Variants in ABCC8 observed in about 807,000 individuals in gnomAD.
ABCC8 encodes the protein ATP-binding cassette sub-family C member 8.
Under a neutral mutation model 188.0 loss-of-function variants are expected in ABCC8, and 137 were observed. The ratio of observed to expected loss-of-function variants is 0.73; its 90% CI spans 0.63 to 0.84. The LOEUF is 0.84. Ranked by LOEUF, ABCC8 falls within the 40% of genes least tolerant of loss-of-function variation. The pLI, the probability that ABCC8 is intolerant of heterozygous loss-of-function variation, is 0.00. For missense variants in ABCC8, 1,750 were observed against 2,072.7 expected, an observed-to-expected ratio of 0.84 and a Z score of 3.02; for synonymous variants, 797 against 846.5, an observed-to-expected ratio of 0.94 and a Z score of 1.01.
intron 3 of ABCC8, among the ~76,000 whole-genome samples, chr11:17,464,663 A>C (rs920494215): frequency 3.3e-5 from 5 of 152,232 alleles, no homozygotes; most frequent in African/African-American, 1.2e-4. Context: ...AAACCTCAGA[A>C]GCTATCAGTA....
At chr11:17,450,608 A>G (rs1956775242) in intron 7 of ABCC8, among the ~76,000 whole-genome samples, 1 of 144,292 alleles carries the variant, frequency 6.9e-6, no homozygotes, top group Non-Finnish European at 1.5e-5. Context: ...CATGTTAGCC[A>G]GGATGGTCTC....
chr11:17,417,573 C>T (rs189203948), intron 16 of ABCC8, among the ~76,000 whole-genome samples: 25 of 152,260 alleles, frequency 1.6e-4, no homozygotes, highest in African/African-American at 5.8e-4. Flanking sequence ...TGCTCTATCC[C>T]CTCCCCCAGG....
At chr11:17,394,730 C>T (rs931411192) in intron 36 of ABCC8, among the ~76,000 whole-genome samples, 9 of 152,126 alleles carry the variant, frequency 5.9e-5, no homozygotes, top group Non-Finnish European at 1.5e-5. Flanking sequence ...GGCTTGGCCA[C>T]CCCCAATGCT....
intron 7 of ABCC8, 38 bp downstream of exon 7, chr11:17,453,081 G>T: frequency 6.5e-7 from 1 of 1,537,058 alleles, no homozygotes; most frequent in Non-Finnish European, 9.0e-7. Context: ...CCTAATAATG[G>T]TTCTTATGGC....
At chr11:17,406,462 G>A (rs982103876) in intron 26 of ABCC8, 160 bp downstream of exon 26, 4 of 719,210 alleles carry the variant, frequency 5.6e-6, no homozygotes, top group Admixed American at 2.8e-5. Context: ...GTTTCTCCCT[G>A]CTTCTTGCAC....
intron 21 of ABCC8, among the ~76,000 whole-genome samples, chr11:17,412,171 C>T (rs964985558): frequency 6.6e-6 from 1 of 152,130 alleles, no homozygotes; most frequent in African/African-American, 2.4e-5. Flanking sequence ...GAATAACAGG[C>T]GTGAGCCACC....
rs144859479 is a variant in ABCC8 at position 17,450,361 on chromosome 11, C to CCTTTCCTTTCCTTT, written c.1177-1704_1177-1691dup. 4.7e-5 allele frequency among the ~76,000 whole-genome samples: 3 copies of CCTTTCCTTTCCTTT among 64,386 alleles called. 1 individual carries two copies. The highest frequency in any genetic ancestry group is 1.4e-4 in the African/African-American group (3 of 20,878). The allele number at this position is 64,386 out of a possible 152,430, so 42.2% of individuals were successfully genotyped here. A position where few individuals can be genotyped will look rare whatever the true frequency, so the allele number is the denominator to read the frequency against. On this transcript the variant is annotated intron_variant, in intron 7 of 38. Transcript: ENST00000389817. ...CTTTCCTTTCTTTCTTTCTTTCCTT[C>CCTTTCCTTTCCTTT]CTTTCCTTTCCTTTCTTTCCTTTCC...
chr11:17,417,124 A>C, intron 16 of ABCC8, 162 bp from the exon 17 acceptor site: 10 of 938,200 alleles, frequency 1.1e-5, no homozygotes, highest in East Asian at 1.2e-4. Context: ...CACTCTTCTC[A>C]ATCTCTGTCC....
In ABCC8 at chr11:17,410,426, C is replaced by T. The variant is rs1261130154; in HGVS notation, c.2694+90G>A. The T allele has an allele frequency of 7.7e-6, 11 of 1,432,022 alleles. No individual in the cohort carries two copies. In the African/African-American group the frequency reaches 1.4e-4, roughly 18 times the overall value. The allele number at this position is 1,432,022 out of a possible 1,614,324, so 88.7% of individuals were successfully genotyped here. On this transcript the variant is annotated intron_variant, in intron 22 of 38. Transcript: ENST00000389817. Reference sequence around the variant, plus strand: ...TATGCTTTGTGGCCCTCAGCAGTTGCTACCAAGACAACGGATTGGTTCCTG... The same window carrying T: ...TATGCTTTGTGGCCCTCAGCAGTTGTTACCAAGACAACGGATTGGTTCCTG...
intron 2 of ABCC8, among the ~76,000 whole-genome samples, chr11:17,471,404 T>C (rs866364572): frequency 6.6e-6 from 1 of 152,226 alleles, no homozygotes; most frequent in South Asian, 2.1e-4. Context: ...AGAGCTATCC[T>C]GTGACCTCAG....
In ABCC8 at chr11:17,404,727, T is replaced by A; in HGVS notation, c.3400-58A>T. 6.4e-7 allele frequency: 1 copy of A among 1,556,420 alleles called. No individual in the cohort carries two copies. Among genetic ancestry groups the A allele is most frequent in the Non-Finnish European group, 8.7e-7 (1 of 1,150,598 alleles). On this transcript the variant is annotated intron_variant, in intron 27 of 38. Coordinates refer to ENST00000389817, the MANE Select transcript of ABCC8 (RefSeq NM_000352.6). The surrounding 1 kb of genome is among the most constrained non-coding windows in gnomAD (Gnocchi z 4.7). ...ATTTTGGTATTGACTGTGTTTAGAG[T>A]GCTACTGGCCGCCATGTTTTGCTCT... is the stretch of plus-strand genomic sequence containing the variant.
intron 8 of ABCC8, among the ~76,000 whole-genome samples, chr11:17,445,145 C>T (rs1956474394): frequency 6.6e-6 from 1 of 152,238 alleles, no homozygotes. Flanking sequence ...GACTGGGAAA[C>T]ACAGAGGCCT....
chr11:17,412,252 T>C (rs1448978054), intron 21 of ABCC8, among the ~76,000 whole-genome samples: 1 of 152,232 alleles, frequency 6.6e-6, no homozygotes, highest in Non-Finnish European at 1.5e-5. Flanking sequence ...AGAAGGATTC[T>C]GAGGATGAGT....
Position 17,443,311 on chromosome 11 carries a change from A to G in ABCC8, c.1334T>C (p.Ile445Thr). The change falls in exon 9 of 39, where the codon ATC (isoleucine) becomes ACC (threonine). Residue 445 changes from isoleucine (I) to threonine (T), a missense_variant and splice_region_variant. Transcript: ENST00000389817. ...GTAGAGGAGAATCACACCCACAATGATCTGAGGAAGGGGTCATGGGTCAGG... is the reference window on the plus strand; with the variant it reads ...GTAGAGGAGAATCACACCCACAATGGTCTGAGGAAGGGGTCATGGGTCAGG... ...CPNLWAMPVQ[I>T]IVGVILLYYI... 6.2e-7 allele frequency: 1 copy of G among 1,614,008 alleles called. No homozygotes were observed. Among genetic ancestry groups the G allele is most frequent in the African/African-American group, 1.3e-5 (1 of 74,982 alleles).
At chr11:17,402,061 C>T (rs781224997) in intron 29 of ABCC8, among the ~76,000 whole-genome samples, 63 of 152,218 alleles carry the variant, frequency 4.1e-4, no homozygotes, top group Non-Finnish European at 8.1e-4. Flanking sequence ...TGCAGGGCAG[C>T]GGCTTATTTG....
At chr11:17,454,203 A>T (rs1222513145) in intron 6 of ABCC8, among the ~76,000 whole-genome samples, 5 of 152,150 alleles carry the variant, frequency 3.3e-5, no homozygotes, top group African/African-American at 1.2e-4. Flanking sequence ...ATCCACAATC[A>T]GAATCAGGCA....
chr11:17,421,653 C>T (rs1013153735), intron 16 of ABCC8, among the ~76,000 whole-genome samples: 1 of 152,140 alleles, frequency 6.6e-6, no homozygotes, highest in African/African-American at 2.4e-5. Flanking sequence ...AGGATATTTA[C>T]TACATGCTAG....
intron 27 of ABCC8, 46 bp downstream of exon 27, chr11:17,405,448 C>T (rs370063061): frequency 2.6e-5 from 42 of 1,613,566 alleles, no homozygotes; most frequent in Middle Eastern, 1.7e-4. Flanking sequence ...CCCAGGGGTC[C>T]GAGGTGTCTC....
chr11:17,426,715 G>A (rs1955597421), intron 16 of ABCC8, among the ~76,000 whole-genome samples: 1 of 152,200 alleles, frequency 6.6e-6, no homozygotes, highest in Non-Finnish European at 1.5e-5. Context: ...ACAGAACTGA[G>A]TTTCAATTCC....
Sources: allele counts gnomAD v4.1 joint callset (sites outside exome capture counted in the v4.1 genomes callset), GRCh38; gene constraint gnomAD v4.1.1; non-coding constraint Gnocchi (gnomAD v3.1); transcripts MANE v1.5; gene names NCBI Gene and HGNC (gene_info 2026-07-23, HGNC 2026-07-21).